DNAH6: variants seen among roughly 807,000 people sequenced by gnomAD.
The protein encoded by DNAH6 is dynein axonemal heavy chain 6.
In DNAH6, 340 loss-of-function variants were observed where a neutral mutation model predicts 491.4. That is an observed-to-expected ratio of 0.69 (90% CI 0.63 to 0.76). DNAH6 has a LOEUF of 0.76. Ranked by LOEUF, DNAH6 falls within the 30% of genes least tolerant of loss-of-function variation. The pLI, the probability that DNAH6 is intolerant of heterozygous loss-of-function variation, is 0.00. For synonymous variants in DNAH6, 1,603 were observed against 1,686.1 expected, an observed-to-expected ratio of 0.95 and a Z score of 1.21; for missense variants, 4,443 against 4,972.2, an observed-to-expected ratio of 0.89 and a Z score of 3.20.
intron 64 of DNAH6, among the ~76,000 whole-genome samples, chr2:84,778,748 C>T (rs868572725): frequency 6.6e-6 from 1 of 152,122 alleles, no homozygotes; most frequent in Non-Finnish European, 1.5e-5. Flanking sequence ...CCTCCACCTC[C>T]GCCTCCCAAA....
chr2:84,503,664 C>A, the DNAH6 span, among the ~76,000 whole-genome samples: 1 of 151,434 alleles, frequency 6.6e-6, no homozygotes, highest in African/African-American at 2.4e-5. Flanking sequence ...TTTCACCAGA[C>A]AAACTATTCT....
At chr2:84,690,028 T>G (rs888978107) in intron 45 of DNAH6, among the ~76,000 whole-genome samples, 2 of 152,248 alleles carry the variant, frequency 1.3e-5, no homozygotes, top group African/African-American at 4.8e-5. Context: ...ACTGAGCACT[T>G]TATAATTTTT....
chr2:84,750,563 C>T (rs1392457401), intron 63 of DNAH6, among the ~76,000 whole-genome samples: 5 of 151,994 alleles, frequency 3.3e-5, no homozygotes, highest in Non-Finnish European at 7.4e-5. Context: ...CATATGACGC[C>T]TTAGATTTAC....
In DNAH6 at chr2:84,819,293, A is replaced by G. The variant is rs1051799073; in HGVS notation, c.12374-12A>G. ...TTAAGTAACAACCTTTTTTTCCTAT[A>G]TCCTTAATTAGGACATTCAACCAAT... On this transcript the variant is annotated splice_polypyrimidine_tract_variant and intron_variant, in intron 76 of 76. Coordinates refer to ENST00000389394, the MANE Select transcript of DNAH6 (RefSeq NM_001370.2). The G allele has an allele frequency of 1.0e-5, 16 of 1,525,970 alleles. No individual in the cohort carries two copies. In the African/African-American group the frequency reaches 2.2e-4, roughly 21 times the overall value. 94.5% of individuals were successfully genotyped at this position (1,525,970 alleles called of 1,614,324 possible).
chr2:84,470,771 T>A, the DNAH6 span, among the ~76,000 whole-genome samples: 1 of 152,146 alleles, frequency 6.6e-6, no homozygotes, highest in Non-Finnish European at 1.5e-5. Context: ...GTTGGGGTGA[T>A]CACACCCAAC....
the DNAH6 span, among the ~76,000 whole-genome samples, chr2:84,505,085 AT>A: frequency 9.9e-5 from 15 of 152,176 alleles, no homozygotes; most frequent in Admixed American, 4.6e-4. Context: ...GATTCAATTT[AT>A]TTCTACATAT....
intron 33 of DNAH6, among the ~76,000 whole-genome samples, chr2:84,647,264 T>C (rs1455887042): frequency 6.6e-6 from 1 of 152,184 alleles, no homozygotes; most frequent in Non-Finnish European, 1.5e-5. Context: ...GCTATTTCCA[T>C]AACATAAGGT....
the DNAH6 span, among the ~76,000 whole-genome samples, chr2:84,506,337 G>A: frequency 1.1e-4 from 16 of 141,464 alleles, no homozygotes; most frequent in African/African-American, 3.2e-4. Flanking sequence ...GCATTTTTTC[G>A]TGTGTTTTTT....
the DNAH6 span, among the ~76,000 whole-genome samples, chr2:84,495,756 A>T: frequency 1.2e-4 from 18 of 152,292 alleles, no homozygotes; most frequent in East Asian, 5.8e-4. Context: ...ACAGAATACG[A>T]TATCACAAAC....
At chr2:84,642,473 C>T (rs1302206053) in intron 33 of DNAH6, among the ~76,000 whole-genome samples, 2 of 152,132 alleles carry the variant, frequency 1.3e-5, no homozygotes, top group East Asian at 3.9e-4. Flanking sequence ...AAATTAGTCT[C>T]ATGGAAAGCA....
At chr2:84,460,132 C>G in the DNAH6 span, 3 of 152,190 alleles carry the variant, frequency 2.0e-5, no homozygotes, top group Non-Finnish European at 4.4e-5. Flanking sequence ...GAAAATCGTG[C>G]TCCTGAGATT....
chr2:84,548,230 G>T, intron 7 of DNAH6, 58 bp from the exon 8 acceptor site: 1 of 1,492,302 alleles, frequency 6.7e-7, no homozygotes, highest in South Asian at 1.3e-5. Flanking sequence ...GAATCATATT[G>T]AAAGAGATGG....
At chr2:84,553,359 C>A (rs1447045744) in intron 10 of DNAH6, among the ~76,000 whole-genome samples, 1 of 36,096 alleles carries the variant, frequency 2.8e-5, no homozygotes, top group Non-Finnish European at 5.4e-5. Context: ...CTTTTCTTTT[C>A]TTTTCTTTTC....
chr2:84,548,676 T>C (rs890477663), intron 8 of DNAH6, among the ~76,000 whole-genome samples: 4 of 151,512 alleles, frequency 2.6e-5, no homozygotes, highest in African/African-American at 9.7e-5. Flanking sequence ...TCATGAATGG[T>C]GATGAGAAAT....
chr2:84,819,324 G>A lies in DNAH6; in HGVS notation c.12393G>A (p.Val4131=). The change falls in exon 77 of 77, where the codon GTG becomes GTA. Residue 4131 remains valine (V), a synonymous_variant. Coordinates refer to ENST00000389394, the MANE Select transcript of DNAH6 (RefSeq NM_001370.2). The part of the protein sequence containing the change: ...LSTTGHSTNF[V]VTVLLPSKRS... ...AATTAGGACATTCAACCAATTTTGT[G>A]GTAACCGTCCTGTTACCCTCCAAGC... 6.5e-7 allele frequency: 1 copy of A among 1,549,802 alleles called. No individual in the cohort carries two copies. The highest frequency in any genetic ancestry group is 8.7e-7 in the Non-Finnish European group (1 of 1,146,162).
chr2:84,819,414 T>C lies in DNAH6; in HGVS notation c.*6T>C, dbSNP rs747158682. ...TCTGCCAGCTGAGCGAATGAAAAGG[T>C]GCCACCTCAGCCCTGAAAAAGAACC... On this transcript the variant is annotated 3_prime_UTR_variant, in exon 77 of 77. Transcript: ENST00000389394. 5 of 1,543,964 alleles carry C rather than the reference T, an allele frequency of 3.2e-6. No individual in the cohort carries two copies. The South Asian group carries it at 4.8e-5, about 15-fold the overall frequency.
the DNAH6 span, among the ~76,000 whole-genome samples, chr2:84,487,538 A>G: frequency 3.3e-5 from 5 of 152,344 alleles, no homozygotes; most frequent in African/African-American, 1.2e-4. Flanking sequence ...TGCAGAGCCA[A>G]CAATGCTTGT....
chr2:84,679,870 T>A (rs377744921), intron 41 of DNAH6, among the ~76,000 whole-genome samples: 1 of 152,220 alleles, frequency 6.6e-6, no homozygotes, highest in Non-Finnish European at 1.5e-5. Context: ...TATCTAGATA[T>A]AGACACACAG....
At chr2:84,585,969 A>AC (rs1195990443) in intron 15 of DNAH6, among the ~76,000 whole-genome samples, 1 of 151,158 alleles carries the variant, frequency 6.6e-6, no homozygotes, top group Non-Finnish European at 1.5e-5. Flanking sequence ...CCGGGGACCC[A>AC]CCCCCTTCCA....
Sources: gnomAD v4.1 joint callset for allele counts (sites outside exome capture counted in the v4.1 genomes callset) on GRCh38, gnomAD v4.1.1 for gene constraint, MANE v1.5 for transcripts, NCBI Gene and HGNC (gene_info 2026-07-23, HGNC 2026-07-21) for gene names.